The following ANO1 variants were observed in gnomAD, a reference collection of about 807,000 sequenced individuals.
ANO1 encodes anoctamin-1.
ANO1 carries 59 observed loss-of-function variants against 124.0 expected under a neutral mutation model. The ratio of observed to expected loss-of-function variants is 0.48; its 90% CI spans 0.39 to 0.59. ANO1 has a LOEUF of 0.59. ANO1 is among the 20% of genes least tolerant of loss of function. The probability of loss-of-function intolerance (pLI) is 0.00; values close to 1 mark genes in which losing one functional copy is unlikely to be tolerated. For synonymous variants in ANO1, 529 were observed against 532.0 expected (o/e 0.99, Z 0.08); for missense variants, 1,059 against 1,328.0 (o/e 0.80, Z 3.15).
chr11:69,966,103 A>T, the ANO1 span, among the ~76,000 whole-genome samples: 2 of 152,062 alleles, frequency 1.3e-5, no homozygotes, highest in African/African-American at 4.8e-5. Flanking sequence ...ACTGCTTGGG[A>T]AACAAAGGAG....
intron 3 of ANO1, 89 bp from the exon 4 acceptor site, chr11:70,103,910 G>A (rs767933139): frequency 1.4e-5 from 20 of 1,433,968 alleles, no homozygotes; most frequent in Non-Finnish European, 1.8e-5. Flanking sequence ...GCATGGGGTG[G>A]GATGGTTCTC....
At chr11:70,091,264 A>G (rs933522280) in intron 2 of ANO1, among the ~76,000 whole-genome samples, 1 of 152,204 alleles carries the variant, frequency 6.6e-6, no homozygotes, top group African/African-American at 2.4e-5. Flanking sequence ...ATCACCTCCA[A>G]GAGAGTCCAG....
chr11:70,111,246 T>C (rs766748337), intron 6 of ANO1: 7 of 462,892 alleles, frequency 1.5e-5, no homozygotes, highest in Non-Finnish European at 3.0e-5. Flanking sequence ...AATTCCAAAT[T>C]GTATGTGTGT....
At chr11:70,150,102 G>A (rs944863840) in intron 12 of ANO1, among the ~76,000 whole-genome samples, 4 of 152,176 alleles carry the variant, frequency 2.6e-5, no homozygotes, top group African/African-American at 4.8e-5. Context: ...ACCTCATCGC[G>A]TCTGGGGGCT....
At chr11:70,101,761 C>T (rs935610035) in intron 2 of ANO1, among the ~76,000 whole-genome samples, 6 of 152,044 alleles carry the variant, frequency 3.9e-5, no homozygotes, top group African/African-American at 4.8e-5. Flanking sequence ...GATGAGGTCC[C>T]GGCCGGCACT....
intron 10 of ANO1, 71 bp downstream of exon 10, chr11:70,126,266 A>T: frequency 6.6e-7 from 1 of 1,524,782 alleles, no homozygotes; most frequent in Non-Finnish European, 8.8e-7. Flanking sequence ...CAGCTGCACA[A>T]TTCATTGGGA....
chr11:70,067,451 C>T (rs1857758932), intron 1 of ANO1, among the ~76,000 whole-genome samples: 1 of 151,986 alleles, frequency 6.6e-6, no homozygotes, highest in Non-Finnish European at 1.5e-5. Flanking sequence ...CCTCAGTCTC[C>T]CGAATAGCTT....
intron 11 of ANO1, among the ~76,000 whole-genome samples, chr11:70,145,572 A>G (rs1013545033): frequency 6.6e-6 from 1 of 152,160 alleles, no homozygotes; most frequent in Non-Finnish European, 1.5e-5. Context: ...GTCCTGGCCA[A>G]TCTACAGACA....
chr11:70,124,362 G>C lies in ANO1; in HGVS notation c.910G>C (p.Glu304Gln), dbSNP rs770424543. Residue 304 changes from glutamate to glutamine, a missense_variant, in exon 9 of 26, where the codon GAG (glutamate) becomes CAG (glutamine). Transcript: ENST00000355303. ...TCCTCCCCCTCAGCTCCTGTACGAAGAGTGGGCACGCTATGGAGTTTTCTA... is the reference window on the plus strand; with the variant it reads ...TCCTCCCCCTCAGCTCCTGTACGAACAGTGGGCACGCTATGGAGTTTTCTA... ...EFNDRKLLYE[E>Q]WARYGVFYKY... 6.2e-7 allele frequency: 1 copy of C among 1,613,886 alleles called. No individual in the cohort carries two copies. Among genetic ancestry groups the C allele is most frequent in the Non-Finnish European group, 8.5e-7 (1 of 1,179,886 alleles).
At chr11:70,024,016 C>T (rs78986277) in intron 1 of ANO1, among the ~76,000 whole-genome samples, 1,667 of 152,282 alleles carry the variant, frequency 0.011, 31 homozygotes, top group African/African-American at 0.038. Flanking sequence ...TAGCTGAATC[C>T]GGGGGTCTAA....
At chr11:70,159,712 G>C (rs760809507) in intron 16 of ANO1, among the ~76,000 whole-genome samples, 1 of 152,210 alleles carries the variant, frequency 6.6e-6, no homozygotes, top group Non-Finnish European at 1.5e-5. Flanking sequence ...CGCTGGGGTG[G>C]AGGGCCTCCC....
At chr11:70,087,659 T>C (rs2044436221) in intron 1 of ANO1, 93 bp from the exon 2 acceptor site, 7 of 1,220,622 alleles carry the variant, frequency 5.7e-6, no homozygotes, top group African/African-American at 1.5e-5. Flanking sequence ...AACGAGTGAG[T>C]GAGGAGTGAG....
At chr11:70,046,718 C>T (rs1157585209) in intron 1 of ANO1, among the ~76,000 whole-genome samples, 2 of 151,674 alleles carry the variant, frequency 1.3e-5, no homozygotes, top group Non-Finnish European at 1.5e-5. Context: ...CTCTTCTTGG[C>T]CAAAAATGAT....
At chr11:70,046,926 T>A (rs1299751072) in intron 1 of ANO1, among the ~76,000 whole-genome samples, 1 of 151,334 alleles carries the variant, frequency 6.6e-6, no homozygotes, top group African/African-American at 2.4e-5. Flanking sequence ...ATACAAAAAA[T>A]AAGAATTAGC....
chr11:70,014,111 A>G (rs1040149990), intron 1 of ANO1, among the ~76,000 whole-genome samples: 5 of 152,108 alleles, frequency 3.3e-5, no homozygotes, highest in African/African-American at 1.2e-4. Context: ...TTCCCCCTTA[A>G]AGGCCCTTTC....
chr11:70,152,873 T>A (rs2047661707), intron 13 of ANO1, among the ~76,000 whole-genome samples, 184 bp from the exon 14 acceptor site: 1 of 152,210 alleles, frequency 6.6e-6, no homozygotes, highest in African/African-American at 2.4e-5. Context: ...AGCGGGATGA[T>A]CCTGGGTCAC....
At chr11:70,011,318 G>T (rs1191064397) in intron 1 of ANO1, among the ~76,000 whole-genome samples, 2 of 152,144 alleles carry the variant, frequency 1.3e-5, no homozygotes, top group Admixed American at 1.3e-4. Flanking sequence ...GTGGGTGTCA[G>T]GACATTTAGT....
intron 23 of ANO1, among the ~76,000 whole-genome samples, chr11:70,181,778 GAAA>G (rs537090488): frequency 7.2e-6 from 1 of 139,656 alleles, no homozygotes. Flanking sequence ...CTCTCTCTCT[GAAA>G]AAAAAAAAAA....
intron 7 of ANO1, among the ~76,000 whole-genome samples, chr11:70,115,477 G>C (rs1016926366): frequency 6.6e-6 from 1 of 152,118 alleles, no homozygotes. Context: ...GCCGGGTGTG[G>C]TGGTGGGCAC....
Sources: allele counts gnomAD v4.1 joint callset (sites outside exome capture counted in the v4.1 genomes callset), GRCh38; gene constraint gnomAD v4.1.1; transcripts MANE v1.5; gene names NCBI Gene and HGNC (gene_info 2026-07-23, HGNC 2026-07-21).